Variants in FAT3 observed in about 807,000 individuals in gnomAD.
FAT3 encodes the protein FAT atypical cadherin 3.
FAT3 carries 95 observed loss-of-function variants against 310.2 expected under a neutral mutation model. The observed-to-expected ratio is 0.31, with a 90% CI of 0.26 to 0.36. FAT3 has a LOEUF of 0.36. FAT3 is among the 10% of genes least tolerant of loss of function. The probability of loss-of-function intolerance (pLI) is 1.00; values close to 1 mark genes in which losing one functional copy is unlikely to be tolerated. For missense variants in FAT3, 5,408 were observed against 5,715.6 expected (o/e 0.95, Z 1.74); for synonymous variants, 2,314 against 2,192.9 (o/e 1.06, Z -1.54).
intron 7 of FAT3, among the ~76,000 whole-genome samples, chr11:92,789,471 C>G (rs1313126132): frequency 6.6e-6 from 1 of 152,198 alleles, no homozygotes; most frequent in Middle Eastern, 3.2e-3. Context: ...GGCATGGACA[C>G]TGCCACTGAG....
intron 1 of FAT3, among the ~76,000 whole-genome samples, chr11:92,285,300 A>C (rs1420198470): frequency 6.6e-6 from 1 of 152,170 alleles, no homozygotes; most frequent in African/African-American, 2.4e-5. Flanking sequence ...TTAGACATAC[A>C]ATTGCATGTA....
chr11:92,595,919 G>C (rs1282180238), intron 3 of FAT3, among the ~76,000 whole-genome samples: 1 of 152,148 alleles, frequency 6.6e-6, no homozygotes, highest in Non-Finnish European at 1.5e-5. Flanking sequence ...GGGACAGAAA[G>C]GGTAATTGAC....
intron 14 of FAT3, among the ~76,000 whole-genome samples, 191 bp downstream of exon 14, chr11:92,832,202 G>T (rs1302562205): frequency 6.6e-6 from 1 of 152,068 alleles, no homozygotes; most frequent in Non-Finnish European, 1.5e-5. Context: ...CAAGCATGGT[G>T]GTATGCACCT....
intron 2 of FAT3, among the ~76,000 whole-genome samples, chr11:92,512,183 T>C (rs1303934110): frequency 1.3e-5 from 2 of 152,196 alleles, no homozygotes; most frequent in Non-Finnish European, 2.9e-5. Flanking sequence ...TATCTTAATA[T>C]GTGACATATA....
intron 1 of FAT3, among the ~76,000 whole-genome samples, chr11:92,346,891 C>T (rs529894415): frequency 5.9e-5 from 9 of 152,164 alleles, no homozygotes; most frequent in Admixed American, 2.6e-4. Context: ...GAAAATAAAA[C>T]GTAGAGTAGG....
Position 92,801,158 on chromosome 11 carries a change from T to C in FAT3, c.8145T>C (p.Phe2715=). The C allele has an allele frequency of 6.2e-7, 1 of 1,613,968 alleles. No homozygotes were observed. The change falls in exon 10 of 28, where the codon TTT becomes TTC. Residue 2715 remains phenylalanine (F), a synonymous_variant. Transcript: ENST00000525166. The part of the protein sequence containing the change: ...LPSFTQSQYS[F]TIAEDTAIGS... The stretch of plus-strand genomic sequence containing the variant: ...CATTCACCCAGTCTCAGTATTCCTT[T>C]ACCATTGCAGAAGATACAGCCATTG...
chr11:92,737,058 G>T (rs978397862), intron 4 of FAT3, among the ~76,000 whole-genome samples: 2 of 152,074 alleles, frequency 1.3e-5, no homozygotes, highest in Non-Finnish European at 1.5e-5. Context: ...TTTCCAAAAA[G>T]GTGGCAAGGT....
chr11:92,344,897 A>T (rs1948369518), intron 1 of FAT3, among the ~76,000 whole-genome samples: 1 of 152,156 alleles, frequency 6.6e-6, no homozygotes, highest in African/African-American at 2.4e-5. Context: ...CTGTGCTTTC[A>T]TATGGAGATT....
At chr11:92,290,532 G>A (rs1231931197) in intron 1 of FAT3, among the ~76,000 whole-genome samples, 3 of 152,046 alleles carry the variant, frequency 2.0e-5, no homozygotes, top group Non-Finnish European at 2.9e-5. Context: ...TGAGGCAGGT[G>A]GATCACCAGC....
intron 3 of FAT3, among the ~76,000 whole-genome samples, chr11:92,547,312 G>C (rs1022517182): frequency 7.9e-5 from 12 of 152,094 alleles, no homozygotes; most frequent in African/African-American, 2.9e-4. Context: ...CTGTTTTCTT[G>C]TGAAATCCCC....
At chr11:92,515,693 A>T (rs1953458796) in intron 2 of FAT3, among the ~76,000 whole-genome samples, 1 of 152,100 alleles carries the variant, frequency 6.6e-6, no homozygotes. Flanking sequence ...AAATACAGTA[A>T]CTGCCTCATG....
At chr11:92,566,872 A>G (rs2135489228) in intron 3 of FAT3, among the ~76,000 whole-genome samples, 1 of 152,340 alleles carries the variant, frequency 6.6e-6, no homozygotes, top group Middle Eastern at 3.4e-3. Flanking sequence ...CACACACCTT[A>G]TACAAAAATC....
At chr11:92,276,410 G>T (rs774849337) in intron 1 of FAT3, among the ~76,000 whole-genome samples, 3 of 152,112 alleles carry the variant, frequency 2.0e-5, no homozygotes, top group Non-Finnish European at 4.4e-5. Context: ...CATGGGAGGA[G>T]TATATTTACT....
intron 3 of FAT3, among the ~76,000 whole-genome samples, chr11:92,652,691 G>A (rs1942423589): frequency 6.6e-6 from 1 of 152,200 alleles, no homozygotes; most frequent in South Asian, 2.1e-4. Context: ...AAGACACCGG[G>A]GCTGGGAAAC....
At chr11:92,311,186 G>A (rs1348190082) in intron 1 of FAT3, among the ~76,000 whole-genome samples, 2 of 151,740 alleles carry the variant, frequency 1.3e-5, no homozygotes, top group Admixed American at 6.6e-5. Flanking sequence ...ATGTACCTTT[G>A]GTTAAGAATC....
chr11:92,367,956 G>A (rs772429737), intron 2 of FAT3, among the ~76,000 whole-genome samples: 11 of 152,158 alleles, frequency 7.2e-5, no homozygotes, highest in Non-Finnish European at 1.5e-4. Context: ...CCTGCTTTGA[G>A]AAAAAGAATA....
At chr11:92,600,598 T>C (rs934003230) in intron 3 of FAT3, among the ~76,000 whole-genome samples, 4 of 152,218 alleles carry the variant, frequency 2.6e-5, no homozygotes, top group African/African-American at 7.2e-5. Flanking sequence ...GTTAATTGAG[T>C]GTCTACTATT....
chr11:92,306,584 TTATATTATA>T (rs1386595801), intron 1 of FAT3, among the ~76,000 whole-genome samples: 2 of 128,064 alleles, frequency 1.6e-5, no homozygotes, highest in Non-Finnish European at 3.2e-5. Context: ...TTATATATAT[TTATATTATA>T]TATATTATAT....
At chr11:92,339,675 G>A (rs1022860608) in intron 1 of FAT3, among the ~76,000 whole-genome samples, 1 of 152,100 alleles carries the variant, frequency 6.6e-6, no homozygotes, top group Non-Finnish European at 1.5e-5. Flanking sequence ...GTGACTCTGT[G>A]CATGTTTTTA....
Sources: allele counts gnomAD v4.1 joint callset (sites outside exome capture counted in the v4.1 genomes callset), GRCh38; gene constraint gnomAD v4.1.1; transcripts MANE v1.5; gene names NCBI Gene and HGNC (gene_info 2026-07-23, HGNC 2026-07-21).